The following ZC3H12C variants were observed in gnomAD, a reference collection of about 807,000 sequenced individuals.
ZC3H12C encodes the protein zinc finger CCCH-type containing 12C.
ZC3H12C carries 20 observed loss-of-function variants against 76.3 expected under a neutral mutation model. That is an observed-to-expected ratio of 0.26 (90% confidence interval 0.18 to 0.38). The LOEUF is 0.38. Ranked by LOEUF, ZC3H12C falls within the 10% of genes least tolerant of loss-of-function variation. The pLI is 1.00. For synonymous variants in ZC3H12C, 352 were observed against 399.6 expected (o/e 0.88, Z 1.42); for missense variants, 874 against 1,086.5 (o/e 0.80, Z 2.75).
chr11:110,162,619 C>T (rs186615337), intron 4 of ZC3H12C, among the ~76,000 whole-genome samples: 1 of 152,234 alleles, frequency 6.6e-6, no homozygotes, highest in Admixed American at 6.5e-5. Flanking sequence ...TTTTTTCTAT[C>T]TCAACTGAGA....
intron 1 of ZC3H12C, among the ~76,000 whole-genome samples, chr11:110,094,171 T>C (rs527251716): frequency 3.7e-4 from 56 of 152,350 alleles, no homozygotes; most frequent in Non-Finnish European, 6.9e-4. Flanking sequence ...CTGATTACTC[T>C]GTCTGGGGTT....
intron 2 of ZC3H12C, among the ~76,000 whole-genome samples, chr11:110,150,790 AT>A (rs1260722993): frequency 2.6e-5 from 4 of 151,958 alleles, no homozygotes; most frequent in African/African-American, 9.7e-5. Context: ...TAATACTGTG[AT>A]CTTTTGTGTT....
chr11:110,131,050 A>G, intron 1 of ZC3H12C: 1 of 1,535,868 alleles, frequency 6.5e-7, no homozygotes. Flanking sequence ...AATTGTGTTA[A>G]GGAGTTTACT....
intron 1 of ZC3H12C, among the ~76,000 whole-genome samples, chr11:110,119,629 C>G (rs1861618306): frequency 6.6e-6 from 1 of 152,136 alleles, no homozygotes; most frequent in Admixed American, 6.6e-5. Flanking sequence ...CTGCTATCAC[C>G]AAATACCTTA....
At chr11:110,097,121 C>T (rs191618920) in intron 1 of ZC3H12C, among the ~76,000 whole-genome samples, 27 of 152,308 alleles carry the variant, frequency 1.8e-4, no homozygotes, top group African/African-American at 6.5e-4. Flanking sequence ...ACTCATTTAA[C>T]ATTATGGCAA....
chr11:110,114,271 G>T (rs1861485927), intron 1 of ZC3H12C, among the ~76,000 whole-genome samples: 1 of 151,966 alleles, frequency 6.6e-6, no homozygotes, highest in Non-Finnish European at 1.5e-5. Flanking sequence ...ATACCATAGG[G>T]AATATAGGAA....
In ZC3H12C at chr11:110,136,614, A is replaced by G. The variant is rs761650267; in HGVS notation, c.22-49A>G. 1.9e-6 allele frequency: 3 copies of G among 1,558,110 alleles called. No individual in the cohort carries two copies. In the Admixed American group the frequency reaches 5.8e-5, roughly 30 times the overall value. Reference sequence around the variant, plus strand: ...TCTTCTGACTTCTCCATTGAGACAGAAATCTAGCCATAACTATGAAATTCT... The same window carrying G: ...TCTTCTGACTTCTCCATTGAGACAGGAATCTAGCCATAACTATGAAATTCT... On this transcript the variant is annotated intron_variant, in intron 1 of 5. Transcript: ENST00000278590.
chr11:110,124,624 T>C (rs1861707475), intron 1 of ZC3H12C, among the ~76,000 whole-genome samples: 1 of 152,192 alleles, frequency 6.6e-6, no homozygotes, highest in Non-Finnish European at 1.5e-5. Context: ...GAACAATAGA[T>C]AAGAACTGGA....
intron 1 of ZC3H12C, among the ~76,000 whole-genome samples, chr11:110,125,771 A>G (rs729613): frequency 0.38 from 57,556 of 152,176 alleles, 11,374 homozygotes; most frequent in East Asian, 0.65. Flanking sequence ...ATGGCCCCAC[A>G]TACATCTGGC....
intron 1 of ZC3H12C, among the ~76,000 whole-genome samples, chr11:110,105,761 C>G (rs1861311591): frequency 6.6e-6 from 1 of 151,952 alleles, no homozygotes; most frequent in Non-Finnish European, 1.5e-5. Flanking sequence ...TAAGAGTCTT[C>G]CTGTGTCATA....
At chr11:110,143,267 T>G (rs1217710114) in intron 2 of ZC3H12C, among the ~76,000 whole-genome samples, 1 of 152,204 alleles carries the variant, frequency 6.6e-6, no homozygotes, top group Non-Finnish European at 1.5e-5. Flanking sequence ...GCAGCTGCAC[T>G]TCTTCCCCCT....
chr11:110,096,351 G>T (rs1046489642), intron 1 of ZC3H12C, among the ~76,000 whole-genome samples: 1 of 152,166 alleles, frequency 6.6e-6, no homozygotes, highest in African/African-American at 2.4e-5. Flanking sequence ...TGTTGTGGCG[G>T]CATCAATTCT....
intron 1 of ZC3H12C, among the ~76,000 whole-genome samples, chr11:110,113,055 C>T (rs1861463343): frequency 6.6e-6 from 1 of 152,110 alleles, no homozygotes; most frequent in East Asian, 1.9e-4. Context: ...CCTATCCCTC[C>T]CTGCCATCCC....
intron 1 of ZC3H12C, among the ~76,000 whole-genome samples, chr11:110,127,145 C>T (rs368412188): frequency 1.3e-5 from 2 of 152,318 alleles, no homozygotes; most frequent in South Asian, 2.1e-4. Context: ...ACAGTACTTT[C>T]TGGAATGGGC....
rs113382043 is a variant in ZC3H12C at position 110,126,389 on chromosome 11, A to AT, written c.22-10268dup. On this transcript the variant is annotated intron_variant, in intron 1 of 5. Coordinates refer to ENST00000278590, the MANE Select transcript of ZC3H12C (RefSeq NM_033390.2). ...TGCCACTATGCCTGGCTAATCTTTT[A>AT]TTTTTTATTTTTGAGATACAGGATC... is the stretch of plus-strand genomic sequence containing the variant. Among the ~76,000 whole-genome samples the AT allele has an allele frequency of 1.4e-3, 207 of 150,702 alleles. 4 individuals are homozygous for AT. The highest frequency in any genetic ancestry group is 4.9e-3 in the African/African-American group (203 of 41,022).
intron 3 of ZC3H12C, among the ~76,000 whole-genome samples, chr11:110,157,771 C>T (rs1862403967): frequency 6.6e-6 from 1 of 152,122 alleles, no homozygotes; most frequent in South Asian, 2.1e-4. Flanking sequence ...TGACCCGTGT[C>T]ACTCTTCCAT....
At position 110,170,512 on chromosome 11, in the gene ZC3H12C, CT is replaced by C. The variant is rs1862658186; in HGVS notation, c.*4776del. On this transcript the variant is annotated 3_prime_UTR_variant, in exon 6 of 6. Transcript: ENST00000278590. Reference sequence around the variant, plus strand: ...TATTCTGTAAGATTAAAAATTGTGACTAGTATAATTGTAGCTATAATGTGAG... The same window carrying C: ...TATTCTGTAAGATTAAAAATTGTGACAGTATAATTGTAGCTATAATGTGAG... 1 of 152,110 alleles carries C rather than the reference CT, an allele frequency of 6.6e-6. No homozygotes were observed. Among genetic ancestry groups the C allele is most frequent in the African/African-American group, 2.4e-5 (1 of 41,436 alleles). The allele number at this position is 152,110 out of a possible 1,614,324, so 9.4% of individuals were successfully genotyped here.
intron 2 of ZC3H12C, among the ~76,000 whole-genome samples, chr11:110,142,208 C>T (rs138803831): frequency 1.3e-5 from 2 of 152,158 alleles, no homozygotes; most frequent in African/African-American, 4.8e-5. Flanking sequence ...TATTCCATTG[C>T]ACCTCTTTAT....
intron 1 of ZC3H12C, among the ~76,000 whole-genome samples, chr11:110,112,116 C>T (rs911092824): frequency 3.3e-5 from 5 of 152,330 alleles, no homozygotes; most frequent in Admixed American, 2.6e-4. Flanking sequence ...ACATCCCCTC[C>T]TCAAAAATCC....
Sources: allele counts gnomAD v4.1 joint callset (sites outside exome capture counted in the v4.1 genomes callset), GRCh38; gene constraint gnomAD v4.1.1; transcripts MANE v1.5; gene names NCBI Gene and HGNC (gene_info 2026-07-23, HGNC 2026-07-21).